The following SPAG16 variants were observed in gnomAD, a reference collection of about 807,000 sequenced individuals.
SPAG16 encodes the protein sperm-associated antigen 16 protein.
Under a neutral mutation model 80.4 loss-of-function variants are expected in SPAG16, and 86 were observed. The observed-to-expected ratio is 1.07, with a 90% CI of 0.90 to 1.28. SPAG16 has a LOEUF of 1.28. Among genes scored for constraint, SPAG16 ranks in the 50% most tolerant of loss-of-function variants. The pLI, the probability that SPAG16 is intolerant of heterozygous loss-of-function variation, is 0.00. For synonymous variants in SPAG16, 294 were observed against 265.9 expected (o/e 1.11, Z -1.03); for missense variants, 870 against 765.3 (o/e 1.14, Z -1.61).
chr2:214,361,621 G>A lies in SPAG16; in HGVS notation c.1721-48519G>A, dbSNP rs1204800589. On this transcript the variant is annotated intron_variant, in intron 15 of 15. Coordinates refer to ENST00000331683, the MANE Select transcript of SPAG16 (RefSeq NM_024532.5). ...AAGTTTATTTTAGTAGAGATGGTTG[G>A]ACTTACAACTTTTGTGTTGCTTTTT... 3.3e-5 allele frequency among the ~76,000 whole-genome samples: 5 copies of A among 151,794 alleles called. No homozygotes were observed. In the East Asian group the frequency reaches 5.8e-4, roughly 18 times the overall value.
At chr2:213,782,177 T>G (rs2070028387) in intron 10 of SPAG16, among the ~76,000 whole-genome samples, 1 of 143,154 alleles carries the variant, frequency 7.0e-6, no homozygotes, top group African/African-American at 2.4e-5. Flanking sequence ...GTAATAGTCT[T>G]CAGTTTTTTT....
At chr2:214,299,735 T>C (rs1404067950) in intron 15 of SPAG16, among the ~76,000 whole-genome samples, 1 of 152,212 alleles carries the variant, frequency 6.6e-6, no homozygotes, top group Non-Finnish European at 1.5e-5. Flanking sequence ...AACTTTTTAA[T>C]AAGGAATCTC....
chr2:213,909,574 A>G (rs547202220), intron 11 of SPAG16, among the ~76,000 whole-genome samples: 1,784 of 152,086 alleles, frequency 0.012, 35 homozygotes, highest in African/African-American at 0.041. Flanking sequence ...ATAACGCCGC[A>G]TATCTACAAC....
intron 9 of SPAG16, among the ~76,000 whole-genome samples, chr2:213,402,581 C>G (rs1458942069): frequency 6.6e-6 from 1 of 150,974 alleles, no homozygotes; most frequent in Non-Finnish European, 1.5e-5. Flanking sequence ...CCCCCCTCCC[C>G]ACACCCCACA....
chr2:213,715,283 A>G (rs1435875483), intron 10 of SPAG16, among the ~76,000 whole-genome samples: 1 of 113,828 alleles, frequency 8.8e-6, no homozygotes, highest in Non-Finnish European at 2.0e-5. Flanking sequence ...CATCCATCTA[A>G]GACAGAGTAA....
intron 14 of SPAG16, among the ~76,000 whole-genome samples, chr2:214,121,442 T>A (rs1359443065): frequency 1.3e-5 from 2 of 151,862 alleles, no homozygotes; most frequent in Non-Finnish European, 3.0e-5. Context: ...AATTGTCCAA[T>A]TTCAGTTATA....
intron 12 of SPAG16, among the ~76,000 whole-genome samples, chr2:213,962,834 T>C (rs2044520354): frequency 6.6e-6 from 1 of 152,208 alleles, no homozygotes; most frequent in African/African-American, 2.4e-5. Flanking sequence ...TTGTCTATCA[T>C]AGTACTTTGT....
rs183123343 is a variant in SPAG16, at chr2:213,331,615, A to T, written c.537-8548A>T. Among the ~76,000 whole-genome samples the T allele has an allele frequency of 6.6e-5, 10 of 152,318 alleles. No individual in the cohort carries two copies. The East Asian group carries it at 1.4e-3, about 21-fold the overall frequency. ...TTGATAGATATTTCCATTCTCAATG[A>T]TAGACTATATGTTAGGTTACAGAAC... On this transcript the variant is annotated intron_variant, in intron 5 of 15. Transcript: ENST00000331683.
intron 14 of SPAG16, among the ~76,000 whole-genome samples, chr2:214,138,261 G>A (rs575903058): frequency 1.5e-3 from 233 of 152,192 alleles, no homozygotes; most frequent in African/African-American, 5.0e-3. Context: ...GTAAGTTCTA[G>A]GGGAGATACT....
chr2:213,359,508 C>G (rs2065857937), intron 7 of SPAG16, among the ~76,000 whole-genome samples: 1 of 152,244 alleles, frequency 6.6e-6, no homozygotes, highest in African/African-American at 2.4e-5. Context: ...CACCAGGCTG[C>G]AGCCTCGCAG....
chr2:213,381,304 A>G (rs1181881847), intron 9 of SPAG16, among the ~76,000 whole-genome samples: 3 of 152,234 alleles, frequency 2.0e-5, no homozygotes, highest in South Asian at 2.1e-4. Context: ...AGATTTCTGT[A>G]GTGAACCCAA....
At chr2:213,913,168 A>G (rs985366283) in intron 11 of SPAG16, among the ~76,000 whole-genome samples, 1 of 152,080 alleles carries the variant, frequency 6.6e-6, no homozygotes, top group East Asian at 1.9e-4. Context: ...TTTTTCCTCA[A>G]TATAGTGTCT....
intron 10 of SPAG16, among the ~76,000 whole-genome samples, chr2:213,608,065 G>T (rs993641992): frequency 3.3e-5 from 5 of 152,088 alleles, no homozygotes; most frequent in Non-Finnish European, 7.4e-5. Context: ...TCAAATCTAT[G>T]CCCATCAACT....
At chr2:213,986,701 G>T (rs755793715) in intron 12 of SPAG16, among the ~76,000 whole-genome samples, 1 of 151,400 alleles carries the variant, frequency 6.6e-6, no homozygotes, top group African/African-American at 2.4e-5. Context: ...TCGTACTTTC[G>T]TATTTCCTTA....
chr2:213,903,179 TG>T (rs1442763049), intron 11 of SPAG16, among the ~76,000 whole-genome samples: 1 of 152,096 alleles, frequency 6.6e-6, no homozygotes, highest in African/African-American at 2.4e-5. Context: ...TGGAGGACGG[TG>T]GCCCTCCTCT....
At chr2:214,301,728 A>C (rs903374398) in intron 15 of SPAG16, among the ~76,000 whole-genome samples, 4 of 152,014 alleles carry the variant, frequency 2.6e-5, no homozygotes, top group African/African-American at 9.7e-5. Flanking sequence ...CAAAGAACCA[A>C]CTTTTCATTT....
At chr2:214,358,350 G>A (rs1698955298) in intron 15 of SPAG16, among the ~76,000 whole-genome samples, 1 of 151,746 alleles carries the variant, frequency 6.6e-6, no homozygotes, top group South Asian at 2.1e-4. Flanking sequence ...AGATCCTTTG[G>A]GCAAACGCCA....
chr2:213,778,383 G>A (rs1209378274), intron 10 of SPAG16, among the ~76,000 whole-genome samples: 1 of 152,098 alleles, frequency 6.6e-6, no homozygotes, highest in East Asian at 1.9e-4. Context: ...TTAAAAAATA[G>A]ACTTAATTAC....
At chr2:214,403,676 C>A (rs1282875495) in intron 15 of SPAG16, among the ~76,000 whole-genome samples, 1 of 152,060 alleles carries the variant, frequency 6.6e-6, no homozygotes, top group African/African-American at 2.4e-5. Context: ...CAGTGCTTGG[C>A]AAATAATATG....
Sources: gnomAD v4.1 joint callset for allele counts (sites outside exome capture counted in the v4.1 genomes callset) on GRCh38, gnomAD v4.1.1 for gene constraint, MANE v1.5 for transcripts, NCBI Gene and HGNC (gene_info 2026-07-23, HGNC 2026-07-21) for gene names.